Variants in ZSWIM9 observed in about 807,000 individuals in gnomAD.
ZSWIM9 encodes uncharacterized protein ZSWIM9.
In ZSWIM9, 11 loss-of-function variants were observed where a neutral mutation model predicts 25.0. The ratio of observed to expected loss-of-function variants is 0.44; its 90% confidence interval spans 0.28 to 0.73. The LOEUF (loss-of-function observed/expected upper bound fraction) is 0.73. Among genes scored for constraint, ZSWIM9 ranks in the 30% least tolerant of loss-of-function variants. The pLI, the probability that ZSWIM9 is intolerant of heterozygous loss-of-function variation, is 0.16. For missense variants in ZSWIM9, 1,070 were observed against 1,296.5 expected (o/e 0.83, Z 2.68); for synonymous variants, 562 against 582.1 (o/e 0.97, Z 0.50).
chr19:48,192,498 T>TATATATATATATATATATATATAC (rs369454865), intron 3 of ZSWIM9, among the ~76,000 whole-genome samples: 1 of 20,766 alleles, frequency 4.8e-5, no homozygotes, highest in Non-Finnish European at 1.0e-4. Flanking sequence ...TATATATATA[T>TATATATATATATATATATATATAC]ACACACACAC....
chr19:48,172,570 A>G (rs1053588684), intron 2 of ZSWIM9, among the ~76,000 whole-genome samples: 2 of 151,958 alleles, frequency 1.3e-5, no homozygotes, highest in Admixed American at 6.6e-5. Flanking sequence ...CTGGAGTGCA[A>G]TGGCACAATC....
intron 3 of ZSWIM9, among the ~76,000 whole-genome samples, chr19:48,189,141 T>C (rs940259982): frequency 3.9e-5 from 6 of 152,156 alleles, no homozygotes; most frequent in African/African-American, 1.4e-4. Context: ...ATCCCACTAC[T>C]GGTGATTTAT....
Position 48,182,391 on chromosome 19 carries a change from G to T in ZSWIM9, c.276-64G>T. 4 of 1,233,490 alleles carry T rather than the reference G, an allele frequency of 3.2e-6. No homozygotes were observed. The highest frequency in any genetic ancestry group is 4.4e-6 in the Non-Finnish European group (4 of 912,272). The allele number at this position is 1,233,490 out of a possible 1,614,324, so 76.4% of individuals were successfully genotyped here. A position where few individuals can be genotyped will look rare whatever the true frequency, so the allele number is the denominator to read the frequency against. On this transcript the variant is annotated intron_variant, in intron 2 of 3. Transcript: ENST00000614654. The surrounding 1 kb of genome is among the most constrained non-coding windows in gnomAD (Gnocchi z 4.6). ...CTTAGTTTAAAAAAAAAAAAAAGGT[G>T]AGTGGAAAGGAAGAAGAGGGCAGCA...
chr19:48,176,209 A>C (rs2036892101), intron 2 of ZSWIM9, among the ~76,000 whole-genome samples: 1 of 152,160 alleles, frequency 6.6e-6, no homozygotes, highest in Non-Finnish European at 1.5e-5. Flanking sequence ...CTATCTCAAA[A>C]AAATGAATAA....
chr19:48,192,498 T>TATATATATATATACACACAC (rs369454865), intron 3 of ZSWIM9, among the ~76,000 whole-genome samples: 20 of 20,762 alleles, frequency 9.6e-4, no homozygotes, highest in East Asian at 1.7e-3. Context: ...TATATATATA[T>TATATATATATATACACACAC]ACACACACAC....
intron 3 of ZSWIM9, among the ~76,000 whole-genome samples, chr19:48,188,194 G>T (rs536832256): frequency 3.3e-5 from 5 of 152,002 alleles, no homozygotes; most frequent in East Asian, 3.9e-4. Context: ...GGGCAAGACT[G>T]GGGGGCGACT....
At chr19:48,185,091 T>C (rs2036994061) in intron 3 of ZSWIM9, among the ~76,000 whole-genome samples, 1 of 151,894 alleles carries the variant, frequency 6.6e-6, no homozygotes, top group Admixed American at 6.6e-5. Flanking sequence ...GAATCTCGGC[T>C]AAACCACGGT....
Position 48,195,847 on chromosome 19 carries a change from T to C in ZSWIM9, c.1783T>C (p.Trp595Arg). ...GCTAAGAGGATTGGAAGGGTATACC[T>C]GGAGGGTGGCCCAGCTGGAAGATCG... Reference protein sequence around the residue: ...QALRGLEGYTWRVAQLEDRRS... With the variant: ...QALRGLEGYTRRVAQLEDRRS... Residue 595 changes from tryptophan to arginine, a missense_variant, in exon 4 of 4, where the codon TGG (tryptophan) becomes CGG (arginine). Physicochemically the swap from Trp to Arg is moderately radical, Grantham distance 101. Around this residue, in one of 4 missense-constraint regions of ZSWIM9, gnomAD observed 583 missense variants for 624.7 expected, o/e 0.93. Coordinates refer to ENST00000614654, the MANE Select transcript of ZSWIM9 (RefSeq NM_199341.4). This position sits in a 1 kb window ranked among gnomAD's most constrained non-coding sequence, Gnocchi z 5.8. 7.0e-7 allele frequency: 1 copy of C among 1,434,176 alleles called. No homozygotes were observed. Among genetic ancestry groups the C allele is most frequent in the Middle Eastern group, 1.8e-4 (1 of 5,532 alleles). The allele number at this position is 1,434,176 out of a possible 1,614,324, so 88.8% of individuals were successfully genotyped here.
At chr19:48,175,683 G>C (rs1312493861) in intron 2 of ZSWIM9, among the ~76,000 whole-genome samples, 2 of 152,034 alleles carry the variant, frequency 1.3e-5, no homozygotes, top group African/African-American at 4.8e-5. Flanking sequence ...GGGGCTGAGG[G>C]TGCAAGGAAC....
chr19:48,178,444 G>C (rs1376838170), intron 2 of ZSWIM9, among the ~76,000 whole-genome samples: 1 of 152,152 alleles, frequency 6.6e-6, no homozygotes, highest in East Asian at 1.9e-4. Context: ...AGGGCTTTTA[G>C]GGGGTGTGTT....
rs1459873675 is a variant in ZSWIM9 at position 48,195,575 on chromosome 19, A to G, written c.1511A>G (p.Asp504Gly). 1 of 1,414,860 alleles carries G rather than the reference A, an allele frequency of 7.1e-7. No individual in the cohort carries two copies. The highest frequency in any genetic ancestry group is 1.5e-5 in the South Asian group (1 of 65,220). 87.6% of individuals were successfully genotyped at this position (1,414,860 alleles called of 1,614,324 possible). Residue 504 changes from aspartate (D) to glycine (G), a missense_variant, in exon 4 of 4, where the codon GAC becomes GGC. Transcript: ENST00000614654. The surrounding 1 kb of genome is among the most constrained non-coding windows in gnomAD (Gnocchi z 5.8). Reference sequence around the variant, plus strand: ...TGGGCAAGGGCACTGGAAACCAGAGACTGGGGCGGGGCTCAGTTCGAAGGT... The same window carrying G: ...TGGGCAAGGGCACTGGAAACCAGAGGCTGGGGCGGGGCTCAGTTCGAAGGT... ...KEWARALETR[D>G]WGGAQFEGEK...
chr19:48,175,529 G>C (rs1365594993), intron 2 of ZSWIM9, among the ~76,000 whole-genome samples: 5 of 152,160 alleles, frequency 3.3e-5, no homozygotes, highest in African/African-American at 4.8e-5. Flanking sequence ...TGGCAGGGCT[G>C]AGTACAGGAG....
intron 3 of ZSWIM9, among the ~76,000 whole-genome samples, chr19:48,190,787 C>T (rs1568581560): frequency 6.6e-6 from 1 of 152,208 alleles, no homozygotes; most frequent in Non-Finnish European, 1.5e-5. Context: ...AGCTTAGTTT[C>T]AGCTTTTCTA....
Position 48,182,305 on chromosome 19 carries a change from C to A in ZSWIM9, c.276-150C>A. 1 of 674,432 alleles carries A rather than the reference C, an allele frequency of 1.5e-6. No individual in the cohort carries two copies. The highest frequency in any genetic ancestry group is 2.5e-6 in the Non-Finnish European group (1 of 406,462). 41.8% of individuals were successfully genotyped at this position (674,432 alleles called of 1,614,324 possible). Reference sequence around the variant, plus strand: ...GCATAGAGACTTGAAGTGACTTGCCCCAGGTCACACAGCTGGCATATTCTT... The same window carrying A: ...GCATAGAGACTTGAAGTGACTTGCCACAGGTCACACAGCTGGCATATTCTT... On this transcript the variant is annotated intron_variant, in intron 2 of 3. Coordinates refer to ENST00000614654, the MANE Select transcript of ZSWIM9 (RefSeq NM_199341.4). This position sits in a 1 kb window ranked among gnomAD's most constrained non-coding sequence, Gnocchi z 4.6.
At chr19:48,175,198 CA>C (rs1203993273) in intron 2 of ZSWIM9, among the ~76,000 whole-genome samples, 2 of 152,146 alleles carry the variant, frequency 1.3e-5, no homozygotes, top group Non-Finnish European at 2.9e-5. Context: ...AAGTGCTCTA[CA>C]AATATCAGAG....
At chr19:48,185,139 T>C (rs892581061) in intron 3 of ZSWIM9, among the ~76,000 whole-genome samples, 1 of 38,104 alleles carries the variant, frequency 2.6e-5, no homozygotes, top group Non-Finnish European at 6.2e-5. Flanking sequence ...CTTTCATACT[T>C]TTTTTTTTTT....
intron 3 of ZSWIM9, among the ~76,000 whole-genome samples, chr19:48,185,588 C>A (rs768395505): frequency 8.5e-5 from 13 of 152,218 alleles, no homozygotes; most frequent in Admixed American, 2.6e-4. Flanking sequence ...ATCCTGTCCC[C>A]CAGGTCCCCT....
Position 48,171,921 on chromosome 19 carries a change from A to G in ZSWIM9, c.119A>G (p.Gln40Arg). 1 of 1,535,818 alleles carries G rather than the reference A, an allele frequency of 6.5e-7. No individual in the cohort carries two copies. The highest frequency in any genetic ancestry group is 8.7e-7 in the Non-Finnish European group (1 of 1,146,692). The change falls in exon 2 of 4, where the codon CAG (glutamine) becomes CGG (arginine). Residue 40 changes from glutamine (Q) to arginine (R), a missense_variant. By Grantham distance (43) the Gln-to-Arg change is conservative. This residue lies in a region of ZSWIM9 where 265 missense variants were observed against 339.0 expected (regional missense o/e 0.78). Transcript: ENST00000614654. ...FSRFFDAWCQ[Q>R]RLALFFVKSS... ...CGCTTCTTCGACGCGTGGTGCCAGC[A>G]GCGGCTGGCGCTCTTCTTCGTCAAG...
At chr19:48,184,156 G>A (rs1397163614) in intron 3 of ZSWIM9, among the ~76,000 whole-genome samples, 1 of 151,986 alleles carries the variant, frequency 6.6e-6, no homozygotes, top group Non-Finnish European at 1.5e-5. Context: ...GAGCGGGACA[G>A]TTCTAAGGGT....
Sources: gnomAD v4.1 joint callset for allele counts (sites outside exome capture counted in the v4.1 genomes callset) on GRCh38, gnomAD v4.1.1 for gene constraint, gnomAD v4.1.1 regional missense constraint, Gnocchi (gnomAD v3.1) non-coding constraint, MANE v1.5 for transcripts, NCBI Gene and HGNC (gene_info 2026-07-23, HGNC 2026-07-21) for gene names.